FOXA1: variants seen among roughly 807,000 people sequenced by gnomAD.
FOXA1 encodes the protein forkhead box A1.
In FOXA1, 9 loss-of-function variants were observed where a neutral mutation model predicts 29.2. The observed-to-expected ratio is 0.31, with a 90% CI of 0.19 to 0.54. The LOEUF (loss-of-function observed/expected upper bound fraction) is 0.54, where lower values mean the gene tolerates loss of function less well. Ranked by LOEUF, FOXA1 falls within the 20% of genes least tolerant of loss-of-function variation. The pLI is 0.95. For missense variants in FOXA1, 644 were observed against 681.2 expected, an observed-to-expected ratio of 0.95 and a Z score of 0.61; for synonymous variants, 340 against 300.9, an observed-to-expected ratio of 1.13 and a Z score of -1.34.
rs768015890 is a variant in FOXA1, at chr14:37,591,348, C to T, written c.*17G>A. The T allele has an allele frequency of 1.3e-5, 21 of 1,611,090 alleles. No individual in the cohort carries two copies. The highest frequency in any genetic ancestry group is 6.7e-5 in the African/African-American group (5 of 74,904). On this transcript the variant is annotated 3_prime_UTR_variant, in exon 2 of 2. Transcript: ENST00000250448. ...TACCAGCATGGCTATGCCAGACAAA[C>T]CCCCCAGTCCCGGGAGCTAGGAAGT... is the stretch of plus-strand genomic sequence containing the variant.
At chr14:37,592,782 C>T in intron 1 of FOXA1, 71 bp from the exon 2 acceptor site, 1 of 1,587,788 alleles carries the variant, frequency 6.3e-7, no homozygotes, top group African/African-American at 1.3e-5. Context: ...GGGCGGCCGT[C>T]CGGGACCTAA....
Position 37,590,351 on chromosome 14 carries a change from C to A in FOXA1, c.*1014G>T, listed in dbSNP as rs1003535488. On this transcript the variant is annotated 3_prime_UTR_variant, in exon 2 of 2. Transcript: ENST00000250448. ...AATAGGATTTTTGAATCTTGGACCA[C>A]GTTTTGAAATCCAGCTCCCTATAAC... The A allele has an allele frequency of 4.3e-6, 1 of 231,382 alleles. No individual in the cohort carries two copies. Among genetic ancestry groups the A allele is most frequent in the Admixed American group, 5.6e-5 (1 of 17,712 alleles). The allele number at this position is 231,382 out of a possible 1,614,324, so 14.3% of individuals were successfully genotyped here. A position where few individuals can be genotyped will look rare whatever the true frequency, so the allele number is the denominator to read the frequency against.
In FOXA1 at chr14:37,590,748, A is replaced by G. The variant is rs1438484163; in HGVS notation, c.*617T>C. 8.3e-6 allele frequency: 2 copies of G among 240,702 alleles called. No homozygotes were observed. Among genetic ancestry groups the G allele is most frequent in the Non-Finnish European group, 1.6e-5 (2 of 122,032 alleles). 14.9% of individuals were successfully genotyped at this position (240,702 alleles called of 1,614,324 possible). A position where few individuals can be genotyped will look rare whatever the true frequency, so the allele number is the denominator to read the frequency against. On this transcript the variant is annotated 3_prime_UTR_variant, in exon 2 of 2. Transcript: ENST00000250448. ...ATATACATGTATTTCATTTAAAGACATCTGCTATCTGCATGTATCAGAAAT... is the reference window on the plus strand; with the variant it reads ...ATATACATGTATTTCATTTAAAGACGTCTGCTATCTGCATGTATCAGAAAT...
intron 1 of FOXA1, chr14:37,594,494 T>A: frequency 2.0e-6 from 1 of 509,550 alleles, no homozygotes; most frequent in Non-Finnish European, 2.6e-6. Context: ...GTCTGCGAAT[T>A]AAACGGTGGG....
rs75207901 is a variant in FOXA1 at position 37,591,007 on chromosome 14, G to GT, written c.*357dup. ...ACAAACTTGACCATCTTCCTTTTTT[G>GT]TTTTTTTAAATAACCCTCCACAAAC... On this transcript the variant is annotated 3_prime_UTR_variant, in exon 2 of 2. Transcript: ENST00000250448. 828 of 407,922 alleles carry GT rather than the reference G, an allele frequency of 2.0e-3. 19 individuals are homozygous for GT. The East Asian group carries it at 0.034, about 17-fold the overall frequency. The allele number at this position is 407,922 out of a possible 1,614,324, so 25.3% of individuals were successfully genotyped here.
intron 1 of FOXA1, chr14:37,593,872 C>T (rs2139185664): frequency 4.0e-6 from 1 of 252,668 alleles, no homozygotes; most frequent in Admixed American, 5.7e-5. Flanking sequence ...ATAATGATGT[C>T]CTTAAGTTTA....
intron 1 of FOXA1, chr14:37,594,093 T>C (rs919894408): frequency 3.2e-6 from 4 of 1,266,324 alleles, no homozygotes; most frequent in Non-Finnish European, 3.1e-6. Flanking sequence ...CTTTATTTTC[T>C]TTCCCTCTTC....
At chr14:37,594,547 T>A (rs896352189) in intron 1 of FOXA1, 5 of 257,684 alleles carry the variant, frequency 1.9e-5, no homozygotes, top group African/African-American at 1.2e-4. Flanking sequence ...TTTCTCAGAG[T>A]TGCTTCCAAC....
At position 37,590,956 on chromosome 14, in the gene FOXA1, G is replaced by A. The variant is rs2095594860; in HGVS notation, c.*409C>T. On this transcript the variant is annotated 3_prime_UTR_variant, in exon 2 of 2. Transcript: ENST00000250448. ...AACTCGTAGGGGGTCAGGTAAGGAG[G>A]GGGAAAAAGCACAAACAAATATTTT... 2.5e-6 allele frequency: 1 copy of A among 398,216 alleles called. No individual in the cohort carries two copies. The allele number at this position is 398,216 out of a possible 1,614,324, so 24.7% of individuals were successfully genotyped here.
rs996841768 is a variant in FOXA1 at position 37,592,643 on chromosome 14, G to A, written c.141C>T (p.Tyr47=). The change falls in exon 2 of 2, where the codon TAC becomes TAT. Residue 47 remains tyrosine, a synonymous_variant. Transcript: ENST00000250448. ...TCGTAGTCATGGTGTTCATGGTCAT[G>A]TAGGTGTTCATGGAGTTCATGGAGC... ...GLGSMNSMNT[Y]MTMNTMTTSG... is the part of the protein sequence containing the mutation. The A allele has an allele frequency of 1.2e-6, 2 of 1,614,202 alleles. No homozygotes were observed. The highest frequency in any genetic ancestry group is 1.7e-5 in the Admixed American group (1 of 60,034).
chr14:37,594,313 G>A (rs1439973727), intron 1 of FOXA1: 4 of 1,141,864 alleles, frequency 3.5e-6, no homozygotes, highest in Non-Finnish European at 4.3e-6. Flanking sequence ...ACAGGTTCTC[G>A]GCCCAGAGTT....
chr14:37,592,514 C>T lies in FOXA1; in HGVS notation c.270G>A (p.Ala90=), dbSNP rs1408721443. The change falls in exon 2 of 2, where the codon GCG becomes GCA. Residue 90 remains alanine, a synonymous_variant. Transcript: ENST00000250448. ...CCGCAGTCATGCTGTTCATGGCGCCCGCCGAGCCCCCCGGCATGCCGGCTA... is the reference window on the plus strand; with the variant it reads ...CCGCAGTCATGCTGTTCATGGCGCCTGCCGAGCCCCCCGGCATGCCGGCTA... The part of the protein sequence containing the change: ...GAVAGMPGGS[A]GAMNSMTAAG... The T allele has an allele frequency of 1.9e-6, 3 of 1,612,572 alleles. No individual in the cohort carries two copies. The highest frequency in any genetic ancestry group is 2.5e-6 in the Non-Finnish European group (3 of 1,179,620).
rs962828688 is a variant in FOXA1 at position 37,591,967 on chromosome 14, C to G, written c.817G>C (p.Gly273Arg). 3 of 1,553,312 alleles carry G rather than the reference C, an allele frequency of 1.9e-6. No individual in the cohort carries two copies. Among genetic ancestry groups the G allele is most frequent in the Non-Finnish European group, 2.6e-6 (3 of 1,153,752 alleles). Residue 273 changes from glycine (G) to arginine (R), a missense_variant, in exon 2 of 2, where the codon GGG becomes CGG. This residue lies in a region of FOXA1 where 295 missense variants were observed against 294.4 expected (regional missense o/e 1.00). Transcript: ENST00000250448. ...QKRFKCEKQP[G>R]AGGGGGSGSG... The stretch of plus-strand genomic sequence containing the variant: ...CCGCTCCCGCCCCCGCCGCCGGCCC[C>G]CGGCTGCTTCTCGCACTTGAAGCGC...
chr14:37,593,338 G>A (rs555421121), intron 1 of FOXA1, among the ~76,000 whole-genome samples: 1 of 152,184 alleles, frequency 6.6e-6, no homozygotes, highest in Non-Finnish European at 1.5e-5. Flanking sequence ...CTGGGAGGGG[G>A]TGCTATAATA....
In FOXA1 at chr14:37,591,626, C is replaced by T. The variant is rs2139180173; in HGVS notation, c.1158G>A (p.Leu386=). Residue 386 remains leucine, a synonymous_variant, in exon 2 of 2, where the codon CTG becomes CTA. Coordinates refer to ENST00000250448, the MANE Select transcript of FOXA1 (RefSeq NM_004496.5). ...AHGLAPHESQ[L]HLKGDPHYSF... ...AGTAGTGGGGGTCCCCTTTCAGGTG[C>T]AGCTGGGACTCGTGGGGTGCCAAGC... 6.2e-7 allele frequency: 1 copy of T among 1,605,168 alleles called. No homozygotes were observed. The highest frequency in any genetic ancestry group is 1.7e-5 in the Admixed American group (1 of 58,282).
chr14:37,592,322 G>C lies in FOXA1; in HGVS notation c.462C>G (p.Gly154=). The C allele has an allele frequency of 6.3e-7, 1 of 1,597,252 alleles. No individual in the cohort carries two copies. The highest frequency in any genetic ancestry group is 8.5e-7 in the Non-Finnish European group (1 of 1,173,404). Residue 154 remains glycine, a synonymous_variant, in exon 2 of 2, where the codon GGC becomes GGG. Coordinates refer to ENST00000250448, the MANE Select transcript of FOXA1 (RefSeq NM_004496.5). ...APSNLGRSRA[G]GGGDAKTFKR... is the part of the protein sequence containing the mutation. ...TGAACGTCTTGGCGTCGCCGCCGCC[G>C]CCCGCGCGGCTGCGGCCCAGGTTGG...
intron 1 of FOXA1, 90 bp downstream of exon 1, chr14:37,594,811 T>A: frequency 9.5e-7 from 1 of 1,049,472 alleles, no homozygotes; most frequent in Non-Finnish European, 1.2e-6. Flanking sequence ...CCCGCCTGCC[T>A]GCCTTGCCTG....
rs2139184101 is a variant in FOXA1, at chr14:37,592,628, G to A, written c.156C>T (p.Thr52=). ...NSMNTYMTMN[T]MTTSGNMTPA... is the part of the protein sequence containing the mutation. ...GGGTCATGTTGCCGCTCGTAGTCATGGTGTTCATGGTCATGTAGGTGTTCA... is the reference window on the plus strand; with the variant it reads ...GGGTCATGTTGCCGCTCGTAGTCATAGTGTTCATGGTCATGTAGGTGTTCA... Residue 52 remains threonine, a synonymous_variant, in exon 2 of 2, where the codon ACC becomes ACT. Coordinates refer to ENST00000250448, the MANE Select transcript of FOXA1 (RefSeq NM_004496.5). 1 of 1,614,228 alleles carries A rather than the reference G, an allele frequency of 6.2e-7. No homozygotes were observed. The highest frequency in any genetic ancestry group is 1.6e-4 in the Middle Eastern group (1 of 6,062).
chr14:37,592,738 G>A (rs1283188770), intron 1 of FOXA1, 27 bp from the exon 2 acceptor site: 2 of 1,605,768 alleles, frequency 1.2e-6, no homozygotes, highest in Non-Finnish European at 1.7e-6. Flanking sequence ...GAGTGAAGAA[G>A]CCCCGGAGGG....
Sources: gnomAD v4.1 joint callset for allele counts (sites outside exome capture counted in the v4.1 genomes callset) on GRCh38, gnomAD v4.1.1 for gene constraint, gnomAD v4.1.1 regional missense constraint, MANE v1.5 for transcripts, NCBI Gene and HGNC (gene_info 2026-07-23, HGNC 2026-07-21) for gene names.